The following RPN2 variants were observed in gnomAD, a reference collection of about 807,000 sequenced individuals.
RPN2 encodes ribophorin II, also known as dolichyl-diphosphooligosaccharide--protein glycosyltransferase subunit 2.
A neutral mutation model predicts 71.4 loss-of-function variants in RPN2; 29 were observed. That is an observed-to-expected ratio of 0.41 (90% confidence interval 0.30 to 0.55). RPN2 has a LOEUF of 0.55. RPN2 is among the 20% of genes least tolerant of loss of function. RPN2 has a pLI of 0.35. For synonymous variants in RPN2, 308 were observed against 305.0 expected (o/e 1.01, Z -0.10); for missense variants, 726 against 774.1 (o/e 0.94, Z 0.74).
rs76177031 is a variant in RPN2, at chr20:37,230,149, G to A, written c.1581+90G>A. 1,312 of 1,028,200 alleles carry A rather than the reference G, an allele frequency of 1.3e-3. 11 individuals are homozygous for A. In the African/African-American group the frequency reaches 0.018, roughly 14 times the overall value. The allele number at this position is 1,028,200 out of a possible 1,614,324, so 63.7% of individuals were successfully genotyped here. A position where few individuals can be genotyped will look rare whatever the true frequency, so the allele number is the denominator to read the frequency against. On this transcript the variant is annotated intron_variant, in intron 13 of 16. Transcript: ENST00000237530. ...GGCTCTGCTCCCTTTAACTTGTTTT[G>A]TGATGTTTTATAGTTTGATCCTCAC...
chr20:37,196,064 T>C (rs1008053362), intron 2 of RPN2, among the ~76,000 whole-genome samples: 18 of 148,504 alleles, frequency 1.2e-4, no homozygotes, highest in Admixed American at 3.4e-4. Context: ...ACCCCGCGCT[T>C]TTTTTTTTTG....
At chr20:37,201,081 C>T (rs2067376857) in intron 4 of RPN2, among the ~76,000 whole-genome samples, 1 of 151,662 alleles carries the variant, frequency 6.6e-6, no homozygotes, top group African/African-American at 2.4e-5. Flanking sequence ...ACCCATAATT[C>T]TTACATCAAA....
rs762534071 is a variant in RPN2 at position 37,241,308 on chromosome 20, C to T, written c.1889C>T (p.Ala630Val). 1.2e-6 allele frequency: 2 copies of T among 1,612,290 alleles called. No homozygotes were observed. Among genetic ancestry groups the T allele is most frequent in the Non-Finnish European group, 1.7e-6 (2 of 1,179,188 alleles). Residue 630 changes from alanine (A) to valine (V), a missense_variant, in exon 17 of 17, where the codon GCA (alanine) becomes GTA (valine). Ala to Val is a moderately conservative substitution (Grantham distance 64). Coordinates refer to ENST00000237530, the MANE Select transcript of RPN2 (RefSeq NM_002951.5). ...MLAQQAVKRT[A>V]H ...TTGTCTCCATTTTCTTTCAGAACAGCACATTAGTTCCAGAAGAAAGATGGA... is the reference window on the plus strand; with the variant it reads ...TTGTCTCCATTTTCTTTCAGAACAGTACATTAGTTCCAGAAGAAAGATGGA...
intron 1 of RPN2, among the ~76,000 whole-genome samples, chr20:37,181,013 G>A (rs2066857926): frequency 6.6e-6 from 1 of 151,984 alleles, no homozygotes; most frequent in African/African-American, 2.4e-5. Flanking sequence ...GGCGGATCAC[G>A]AGGTCAAGAG....
intron 4 of RPN2, among the ~76,000 whole-genome samples, chr20:37,201,920 T>A (rs1205098315): frequency 6.6e-6 from 1 of 152,246 alleles, no homozygotes; most frequent in Non-Finnish European, 1.5e-5. Context: ...TTGTAGTCTG[T>A]CATAAATCAA....
In RPN2 at chr20:37,230,358, A is replaced by G. The variant is rs1195071853; in HGVS notation, c.1581+299A>G. On this transcript the variant is annotated intron_variant, in intron 13 of 16. Transcript: ENST00000237530. ...CACAGCTTATTAGCTATGAGCGCAGATGGTTCTAGCGTTTATCCTCCCTGC... is the reference window on the plus strand; with the variant it reads ...CACAGCTTATTAGCTATGAGCGCAGGTGGTTCTAGCGTTTATCCTCCCTGC... 3.3e-5 allele frequency among the ~76,000 whole-genome samples: 5 copies of G among 152,312 alleles called. No individual in the cohort carries two copies. The East Asian group carries it at 7.7e-4, about 23-fold the overall frequency.
intron 2 of RPN2, among the ~76,000 whole-genome samples, chr20:37,196,618 G>C (rs1048813711): frequency 3.3e-5 from 5 of 152,062 alleles, no homozygotes; most frequent in African/African-American, 1.2e-4. Context: ...AGCCTCAAAC[G>C]ATTCTCCAAC....
At chr20:37,210,191 G>T in intron 8 of RPN2, 26 bp downstream of exon 8, 1 of 1,611,874 alleles carries the variant, frequency 6.2e-7, no homozygotes, top group African/African-American at 1.3e-5. Context: ...ATTTTGGTGG[G>T]GCGCTGACCT....
At chr20:37,197,027 G>C (rs937263080) in intron 2 of RPN2, among the ~76,000 whole-genome samples, 3 of 152,178 alleles carry the variant, frequency 2.0e-5, no homozygotes, top group Admixed American at 1.3e-4. Flanking sequence ...ATAGGACCTG[G>C]TTTGGCAGGC....
At chr20:37,225,230 C>T (rs2146668041) in intron 10 of RPN2, among the ~76,000 whole-genome samples, 1 of 152,300 alleles carries the variant, frequency 6.6e-6, no homozygotes, top group Non-Finnish European at 1.5e-5. Flanking sequence ...AAAGACAAAG[C>T]TGAAAGTACC....
chr20:37,225,722 A>T lies in RPN2; in HGVS notation c.1219A>T (p.Ile407Phe), dbSNP rs2068059630. Residue 407 changes from isoleucine (I) to phenylalanine (F), a missense_variant, in exon 11 of 17, where the codon ATC becomes TTC. Ile to Phe is a conservative substitution (Grantham distance 21, BLOSUM62 0). Coordinates refer to ENST00000237530, the MANE Select transcript of RPN2 (RefSeq NM_002951.5). ...TYPAKAKGTF[I>F]ADSHQNFALF... ...CCCAGCCAAAGCCAAGGGCACATTC[A>T]TCGCAGACAGCCACCAGAACTTCGC... The T allele has an allele frequency of 3.1e-6, 5 of 1,614,184 alleles. No homozygotes were observed. The highest frequency in any genetic ancestry group is 4.2e-6 in the Non-Finnish European group (5 of 1,180,018).
At chr20:37,202,695 TAAAA>T (rs1203394605) in intron 4 of RPN2, among the ~76,000 whole-genome samples, 1 of 152,158 alleles carries the variant, frequency 6.6e-6, no homozygotes, top group African/African-American at 2.4e-5. Flanking sequence ...GAATTATAGA[TAAAA>T]ATATATGAAT....
In RPN2 at chr20:37,236,560, C is replaced by A; in HGVS notation, c.1754-20C>A. Reference sequence around the variant, plus strand: ...CATTATGTTTCATTTAATTGGATGTCATGACACCTCTTCTTGCAGCTATGC... The same window carrying A: ...CATTATGTTTCATTTAATTGGATGTAATGACACCTCTTCTTGCAGCTATGC... On this transcript the variant is annotated intron_variant, in intron 15 of 16. Coordinates refer to ENST00000237530, the MANE Select transcript of RPN2 (RefSeq NM_002951.5). 6.2e-7 allele frequency: 1 copy of A among 1,613,710 alleles called. No individual in the cohort carries two copies. Among genetic ancestry groups the A allele is most frequent in the South Asian group, 1.1e-5 (1 of 91,060 alleles).
At position 37,228,610 on chromosome 20, in the gene RPN2, GACA is replaced by G. The variant is rs1423394020; in HGVS notation, c.1365_1367del (p.Asn455del). The G allele has an allele frequency of 2.5e-6, 4 of 1,614,128 alleles. No homozygotes were observed. Among genetic ancestry groups the G allele is most frequent in the Middle Eastern group, 1.6e-4 (1 of 6,084 alleles). On this transcript the variant is annotated inframe_deletion, in exon 12 of 17. Coordinates refer to ENST00000237530, the MANE Select transcript of RPN2 (RefSeq NM_002951.5). Reference sequence around the variant, plus strand: ...GGAAGTGGTGTTTGTTGCCGAGCCAGACAACAAGAACGTGTACAAGTTTGAACT... The same window carrying G: ...GGAAGTGGTGTTTGTTGCCGAGCCAGACAAGAACGTGTACAAGTTTGAACT...
At chr20:37,231,139 A>G (rs1460355058) in intron 13 of RPN2, among the ~76,000 whole-genome samples, 4 of 152,138 alleles carry the variant, frequency 2.6e-5, no homozygotes, top group East Asian at 1.9e-4. Flanking sequence ...TCTTTAGAGT[A>G]TCTTTACAAG....
chr20:37,225,899 G>A (rs1403662097), intron 11 of RPN2, 97 bp downstream of exon 11: 5 of 872,524 alleles, frequency 5.7e-6, no homozygotes, highest in South Asian at 1.4e-5. Context: ...AGAATTCCAC[G>A]TTCCTGCTTT....
intron 13 of RPN2, among the ~76,000 whole-genome samples, chr20:37,231,760 C>T (rs542265925): frequency 6.6e-6 from 1 of 151,162 alleles, no homozygotes; most frequent in South Asian, 2.1e-4. Flanking sequence ...TTTAGGGCTT[C>T]CTTAGAGCCA....
chr20:37,181,372 A>G (rs531288382), intron 1 of RPN2, among the ~76,000 whole-genome samples: 11 of 152,164 alleles, frequency 7.2e-5, no homozygotes, highest in South Asian at 2.1e-4. Context: ...GCTGATCTCA[A>G]AAAACACTGT....
At chr20:37,181,081 T>G (rs1015138165) in intron 1 of RPN2, among the ~76,000 whole-genome samples, 1 of 151,962 alleles carries the variant, frequency 6.6e-6, no homozygotes, top group African/African-American at 2.4e-5. Context: ...AGACAAAAAT[T>G]AGCTGGGCAT....
Sources: allele counts gnomAD v4.1 joint callset (sites outside exome capture counted in the v4.1 genomes callset), GRCh38; gene constraint gnomAD v4.1.1; transcripts MANE v1.5; gene names NCBI Gene and HGNC (gene_info 2026-07-23, HGNC 2026-07-21).